Variants in SLC8A1 observed in about 807,000 individuals in gnomAD.
SLC8A1 encodes the protein solute carrier family 8 member A1.
Under a neutral mutation model 68.3 loss-of-function variants are expected in SLC8A1, and 18 were observed. The observed-to-expected ratio is 0.26, with a 90% CI of 0.18 to 0.39. The LOEUF (loss-of-function observed/expected upper bound fraction) is 0.39. SLC8A1 is among the 10% of genes least tolerant of loss of function. The probability of loss-of-function intolerance (pLI) is 1.00; values close to 1 mark genes in which losing one functional copy is unlikely to be tolerated. For synonymous variants in SLC8A1, 475 were observed against 415.5 expected (o/e 1.14, Z -1.74); for missense variants, 985 against 1,156.7 (o/e 0.85, Z 2.15).
At chr2:40,415,475 T>G (rs1456851177) in intron 2 of SLC8A1, among the ~76,000 whole-genome samples, 1 of 151,328 alleles carries the variant, frequency 6.6e-6, no homozygotes, top group Non-Finnish European at 1.5e-5. Flanking sequence ...AGCAAACCAC[T>G]GGAGTTGTGG....
intron 2 of SLC8A1, among the ~76,000 whole-genome samples, chr2:40,185,351 G>C (rs560296422): frequency 2.0e-5 from 3 of 152,264 alleles, no homozygotes; most frequent in African/African-American, 7.2e-5. Flanking sequence ...AGGTTCATCG[G>C]CTGATAAATG....
chr2:40,264,899 C>A (rs895907486), intron 2 of SLC8A1, among the ~76,000 whole-genome samples: 1 of 151,930 alleles, frequency 6.6e-6, no homozygotes, highest in African/African-American at 2.4e-5. Flanking sequence ...ATAGCAACAC[C>A]CAGAGGACAG....
At chr2:40,240,743 C>A (rs1161226084) in intron 2 of SLC8A1, among the ~76,000 whole-genome samples, 3 of 152,144 alleles carry the variant, frequency 2.0e-5, no homozygotes, top group Admixed American at 6.5e-5. Flanking sequence ...TCGGGCATGG[C>A]AGCTCCTGCC....
chr2:40,436,092 C>A (rs114979179), intron 1 of SLC8A1, among the ~76,000 whole-genome samples: 49 of 152,066 alleles, frequency 3.2e-4, no homozygotes, highest in African/African-American at 1.1e-3. Context: ...TTCTTACATG[C>A]TATCTATTTT....
chr2:40,253,103 A>G (rs1325812478), intron 2 of SLC8A1, among the ~76,000 whole-genome samples: 1 of 109,758 alleles, frequency 9.1e-6, no homozygotes, highest in Admixed American at 1.1e-4. Context: ...GTATATATAC[A>G]TATATACGTG....
intron 2 of SLC8A1, among the ~76,000 whole-genome samples, chr2:40,354,131 G>A (rs1311053573): frequency 5.3e-5 from 8 of 152,124 alleles, no homozygotes; most frequent in Admixed American, 5.2e-4. Flanking sequence ...CCCTCCATAT[G>A]CGCTATACCA....
chr2:40,351,502 G>C (rs1004802652), intron 2 of SLC8A1, among the ~76,000 whole-genome samples: 3 of 151,290 alleles, frequency 2.0e-5, no homozygotes, highest in Admixed American at 6.6e-5. Context: ...CTGTGATGCC[G>C]CCAGTATTCT....
intron 7 of SLC8A1, among the ~76,000 whole-genome samples, chr2:40,123,783 G>A (rs1572828751): frequency 6.6e-6 from 1 of 152,104 alleles, no homozygotes; most frequent in African/African-American, 2.4e-5. Flanking sequence ...AAAAAGCAAG[G>A]GCAAATTTGA....
Position 40,104,830 on chromosome 2 carries a change from C to A in SLC8A1, c.*10423G>T, listed in dbSNP as rs116446386. The A allele has an allele frequency of 3.8e-3, 575 of 152,158 alleles. 3 individuals carry two copies. Among genetic ancestry groups the A allele is most frequent in the African/African-American group, 0.013 (547 of 41,540 alleles). The allele number at this position is 152,158 out of a possible 1,614,324, so 9.4% of individuals were successfully genotyped here. On this transcript the variant is annotated 3_prime_UTR_variant, in exon 8 of 8. Coordinates refer to ENST00000406785, the Ensembl canonical transcript of SLC8A1. Reference sequence around the variant, plus strand: ...ACTGTATAGTTTATGAGCCTATGATCCTGGAAAACACGCTTGCTAAACTGA... The same window carrying A: ...ACTGTATAGTTTATGAGCCTATGATACTGGAAAACACGCTTGCTAAACTGA...
chr2:40,438,488 A>T (rs144991893), intron 1 of SLC8A1, among the ~76,000 whole-genome samples: 199 of 152,268 alleles, frequency 1.3e-3, no homozygotes, highest in Non-Finnish European at 2.3e-3. Flanking sequence ...GCACCATAAC[A>T]GACACTACAG....
At chr2:40,286,773 G>T (rs2149211856) in intron 2 of SLC8A1, among the ~76,000 whole-genome samples, 1 of 152,328 alleles carries the variant, frequency 6.6e-6, no homozygotes, top group South Asian at 2.1e-4. Flanking sequence ...CCTACTGTGT[G>T]ACACATGGAG....
At chr2:40,098,192 T>A (rs1308237598) in exon 8 of SLC8A1, 1 of 152,058 alleles carries the variant, frequency 6.6e-6, no homozygotes, top group Non-Finnish European at 1.5e-5. Context: ...AAGATTGATA[T>A]TTCCCCACAG....
chr2:40,173,287 G>A (rs1236897794), intron 4 of SLC8A1, among the ~76,000 whole-genome samples: 1 of 152,036 alleles, frequency 6.6e-6, no homozygotes, highest in East Asian at 1.9e-4. Flanking sequence ...GGAGATAAAA[G>A]TTTAAAAAAA....
intron 6 of SLC8A1, among the ~76,000 whole-genome samples, chr2:40,157,435 G>GCAAT (rs2044758700): frequency 6.6e-6 from 1 of 151,916 alleles, no homozygotes; most frequent in South Asian, 2.1e-4. Context: ...AGCCAGCCTT[G>GCAAT]CAATCATTCT....
At chr2:40,469,195 A>T (rs1703867840) in intron 1 of SLC8A1, among the ~76,000 whole-genome samples, 1 of 152,112 alleles carries the variant, frequency 6.6e-6, no homozygotes, top group South Asian at 2.1e-4. Context: ...ATACATGATG[A>T]TATGGTTTGA....
At chr2:40,201,790 C>G (rs77778785) in intron 2 of SLC8A1, among the ~76,000 whole-genome samples, 3 of 152,026 alleles carry the variant, frequency 2.0e-5, no homozygotes, top group African/African-American at 7.2e-5. Flanking sequence ...AACTTACCAT[C>G]AAGGCCACAG....
At chr2:40,470,903 T>A (rs1576628155) in intron 1 of SLC8A1, among the ~76,000 whole-genome samples, 1 of 152,192 alleles carries the variant, frequency 6.6e-6, no homozygotes, top group African/African-American at 2.4e-5. Flanking sequence ...TAAAAAAAGA[T>A]CCTTGTCACT....
chr2:40,174,981 C>A, intron 3 of SLC8A1, 139 bp from the exon 5 acceptor site: 1 of 819,618 alleles, frequency 1.2e-6, no homozygotes, highest in South Asian at 1.7e-5. Context: ...GGAAAATGTT[C>A]ATGACTGAAT....
chr2:40,336,270 CAT>C (rs1463588197), intron 2 of SLC8A1, among the ~76,000 whole-genome samples: 3 of 152,154 alleles, frequency 2.0e-5, no homozygotes, highest in Non-Finnish European at 4.4e-5. Flanking sequence ...AGGTGGGAAA[CAT>C]ATTTATATCA....
Sources: gnomAD v4.1 joint callset for allele counts (sites outside exome capture counted in the v4.1 genomes callset) on GRCh38, gnomAD v4.1.1 for gene constraint, MANE v1.5 for transcripts, NCBI Gene and HGNC (gene_info 2026-07-23, HGNC 2026-07-21) for gene names.